The following DENND2B variants were observed in gnomAD, a reference collection of about 807,000 sequenced individuals.
DENND2B encodes DENN domain-containing protein 2B.
A neutral mutation model predicts 116.0 loss-of-function variants in DENND2B; 32 were observed. The ratio of observed to expected loss-of-function variants is 0.28; its 90% CI spans 0.21 to 0.37. The LOEUF is 0.37. Among genes scored for constraint, DENND2B ranks in the 10% least tolerant of loss-of-function variants. The probability of loss-of-function intolerance (pLI) is 1.00; values close to 1 mark genes in which losing one functional copy is unlikely to be tolerated. For synonymous variants in DENND2B, 588 were observed against 583.9 expected, an observed-to-expected ratio of 1.01 and a Z score of -0.10; for missense variants, 1,276 against 1,477.7, an observed-to-expected ratio of 0.86 and a Z score of 2.24.
rs559813173 is a variant in DENND2B at position 8,758,917 on chromosome 11, C to G, written c.-25-8192G>C. On this transcript the variant is annotated intron_variant, in intron 1 of 19. Coordinates refer to ENST00000313726, the MANE Select transcript of DENND2B (RefSeq NM_213618.2). ...CAGCCACACAAAACCTCCTGGACGGCTGGGCAGGAGCAGTGCAGGGCACAG... is the reference window on the plus strand; with the variant it reads ...CAGCCACACAAAACCTCCTGGACGGGTGGGCAGGAGCAGTGCAGGGCACAG... 3.3e-5 allele frequency among the ~76,000 whole-genome samples: 5 copies of G among 152,332 alleles called. No individual in the cohort carries two copies. In the South Asian group the frequency reaches 1.0e-3, roughly 32 times the overall value.
At chr11:8,729,223 G>A (rs1174453609) in intron 3 of DENND2B, among the ~76,000 whole-genome samples, 1 of 152,164 alleles carries the variant, frequency 6.6e-6, no homozygotes. Flanking sequence ...CTCACTCCCA[G>A]CCTACCCTGA....
At chr11:8,723,429 G>A (rs1206472440) in intron 4 of DENND2B, among the ~76,000 whole-genome samples, 1 of 152,188 alleles carries the variant, frequency 6.6e-6, no homozygotes, top group Admixed American at 6.5e-5. Flanking sequence ...AATTTTGGAA[G>A]AACTGTTCTG....
At chr11:8,821,114 T>C (rs554986089) in intron 4 of DENND2B, among the ~76,000 whole-genome samples, 1 of 137,518 alleles carries the variant, frequency 7.3e-6, no homozygotes, top group African/African-American at 2.8e-5. Flanking sequence ...AGCGAGACTC[T>C]GCCTCAAAAA....
chr11:8,712,488 G>A lies in DENND2B; in HGVS notation c.2172+63C>T. 1 of 1,485,048 alleles carries A rather than the reference G, an allele frequency of 6.7e-7. No homozygotes were observed. Among genetic ancestry groups the A allele is most frequent in the Non-Finnish European group, 9.1e-7 (1 of 1,100,880 alleles). 92.0% of individuals were successfully genotyped at this position (1,485,048 alleles called of 1,614,324 possible). On this transcript the variant is annotated intron_variant, in intron 9 of 19. Transcript: ENST00000313726. The surrounding 1 kb of genome is among the most constrained non-coding windows in gnomAD (Gnocchi z 4.4). ...AAGATCTCTCTCCTTCCCCAGATAG[G>A]CCTGGCGGATAGAGGATGGAAGAGG...
intron 1 of DENND2B, among the ~76,000 whole-genome samples, chr11:8,896,824 G>C (rs1297223949): frequency 2.0e-5 from 3 of 152,228 alleles, no homozygotes; most frequent in East Asian, 1.9e-4. Flanking sequence ...TTTCAGATAG[G>C]TGTATTAAAT....
At chr11:8,774,859 T>C (rs568049104) in intron 1 of DENND2B, among the ~76,000 whole-genome samples, 151 of 149,846 alleles carry the variant, frequency 1.0e-3, no homozygotes, top group African/African-American at 3.6e-3. Context: ...TTCTTATTTT[T>C]TTCGTTTTTT....
At position 8,693,810 on chromosome 11, in the gene DENND2B, G is replaced by C. The variant is rs531133605; in HGVS notation, c.*286C>G. ...AACTGGCCAGTCACGAGCACCCAGC[G>C]AAACTTCATCCATGCTCTGGCAGGA... On this transcript the variant is annotated 3_prime_UTR_variant, in exon 20 of 20. Transcript: ENST00000313726. 2 of 342,672 alleles carry C rather than the reference G, an allele frequency of 5.8e-6. No individual in the cohort carries two copies. Among genetic ancestry groups the C allele is most frequent in the African/African-American group, 4.3e-5 (2 of 46,762 alleles). 21.2% of individuals were successfully genotyped at this position (342,672 alleles called of 1,614,324 possible). A position where few individuals can be genotyped will look rare whatever the true frequency, so the allele number is the denominator to read the frequency against.
At position 8,712,879 on chromosome 11, in the gene DENND2B, G is replaced by C. The variant is rs2044017365; in HGVS notation, c.1988-144C>G. On this transcript the variant is annotated intron_variant, in intron 8 of 19. Transcript: ENST00000313726. This position sits in a 1 kb window ranked among gnomAD's most constrained non-coding sequence, Gnocchi z 4.4. ...ACCATCCCCAGCTCACAGTGCAGGA[G>C]GACCGGCAGGCACAAGGTGCTGACC... 1.2e-6 allele frequency: 1 copy of C among 865,598 alleles called. No individual in the cohort carries two copies. The highest frequency in any genetic ancestry group is 2.7e-5 in the East Asian group (1 of 37,118). The allele number at this position is 865,598 out of a possible 1,614,324, so 53.6% of individuals were successfully genotyped here. A position where few individuals can be genotyped will look rare whatever the true frequency, so the allele number is the denominator to read the frequency against.
intron 1 of DENND2B, among the ~76,000 whole-genome samples, chr11:8,896,535 G>A (rs1033591119): frequency 1.3e-5 from 2 of 152,118 alleles, no homozygotes; most frequent in African/African-American, 2.4e-5. Flanking sequence ...ACATAAAGCC[G>A]CAATAAAACT....
At chr11:8,810,143 G>A (rs1345620365) in intron 1 of DENND2B, 1 of 150,546 alleles carries the variant, frequency 6.6e-6, no homozygotes, top group African/African-American at 2.5e-5. Context: ...CGGCTCAAAA[G>A]GCACTGGAGT....
chr11:8,871,042 AG>A, exon 2 of DENND2B: 1 of 152,048 alleles, frequency 6.6e-6, no homozygotes, highest in Admixed American at 6.5e-5. Context: ...GCTCCTGCAG[AG>A]AGGGCGGGCG....
At chr11:8,905,450 T>C (rs925581142) in intron 1 of DENND2B, among the ~76,000 whole-genome samples, 2 of 152,102 alleles carry the variant, frequency 1.3e-5, no homozygotes, top group Admixed American at 1.3e-4. Flanking sequence ...GGAGGAAACA[T>C]AGAAAAAATC....
intron 2 of DENND2B, among the ~76,000 whole-genome samples, chr11:8,741,331 G>A (rs1174973447): frequency 6.6e-6 from 1 of 152,198 alleles, no homozygotes; most frequent in African/African-American, 2.4e-5. Context: ...TCTTCTCCGG[G>A]AGGGAATGAT....
intron 18 of DENND2B, 134 bp downstream of exon 18, chr11:8,696,293 T>C: frequency 7.4e-7 from 1 of 1,346,950 alleles, no homozygotes; most frequent in African/African-American, 1.5e-5. Context: ...TACCTTGAAG[T>C]TTCTAACAGA....
chr11:8,827,572 C>T (rs1258053416), intron 4 of DENND2B, among the ~76,000 whole-genome samples: 1 of 152,218 alleles, frequency 6.6e-6, no homozygotes, highest in Non-Finnish European at 1.5e-5. Flanking sequence ...TGAGGCTTGA[C>T]TCTCTCTGCG....
intron 1 of DENND2B, among the ~76,000 whole-genome samples, chr11:8,909,537 A>G (rs1158943377): frequency 6.6e-6 from 1 of 152,182 alleles, no homozygotes; most frequent in African/African-American, 2.4e-5. Context: ...ACAGGACCCC[A>G]TGCACGTACA....
At position 8,712,662 on chromosome 11, in the gene DENND2B, C is replaced by T; in HGVS notation, c.2061G>A (p.Glu687=). The T allele has an allele frequency of 6.2e-7, 1 of 1,605,266 alleles. No individual in the cohort carries two copies. ...GCTCCCGCTCCTGCCACTCCAGCAG[C>T]TCCAGCTCCAGCGTGCGATAGCTGG... The part of the protein sequence containing the change: ...RAPSYRTLEL[E]LLEWQERELF... The change falls in exon 9 of 20, where the codon GAG becomes GAA. Residue 687 remains glutamate, a synonymous_variant. Coordinates refer to ENST00000313726, the MANE Select transcript of DENND2B (RefSeq NM_213618.2). The surrounding 1 kb of genome is among the most constrained non-coding windows in gnomAD (Gnocchi z 4.4).
chr11:8,813,545 G>C (rs1360083116), upstream of DENND2B, among the ~76,000 whole-genome samples: 1 of 152,122 alleles, frequency 6.6e-6, no homozygotes, highest in Non-Finnish European at 1.5e-5. Context: ...GAGAAAGAAG[G>C]GGTGATCCCA....
At chr11:8,717,561 TGAG>T (rs1459512524) in intron 5 of DENND2B, among the ~76,000 whole-genome samples, 177 bp downstream of exon 5, 2 of 152,190 alleles carry the variant, frequency 1.3e-5, no homozygotes, top group African/African-American at 2.4e-5. Context: ...AGTCCTTTGC[TGAG>T]GAGACCTCCT....
Sources: gnomAD v4.1 joint callset for allele counts (sites outside exome capture counted in the v4.1 genomes callset) on GRCh38, gnomAD v4.1.1 for gene constraint, Gnocchi (gnomAD v3.1) non-coding constraint, MANE v1.5 for transcripts, NCBI Gene and HGNC (gene_info 2026-07-23, HGNC 2026-07-21) for gene names.